The following USP14 variants were observed in gnomAD, a reference collection of about 807,000 sequenced individuals.
USP14 encodes the protein ubiquitin specific peptidase 14, also known as ubiquitin carboxyl-terminal hydrolase 14.
A neutral mutation model predicts 76.5 loss-of-function variants in USP14; 38 were observed. The observed-to-expected ratio is 0.50, with a 90% confidence interval of 0.38 to 0.65. The LOEUF is 0.65. Among genes scored for constraint, USP14 ranks in the 30% least tolerant of loss-of-function variants. The probability of loss-of-function intolerance (pLI) is 0.00; values close to 1 mark genes in which losing one functional copy is unlikely to be tolerated. For missense variants in USP14, 467 were observed against 586.5 expected, an observed-to-expected ratio of 0.80 and a Z score of 2.10; for synonymous variants, 192 against 191.7, an observed-to-expected ratio of 1.00 and a Z score of -0.01.
intron 3 of USP14, among the ~76,000 whole-genome samples, chr18:177,247 A>T (rs1002605890): frequency 6.6e-5 from 10 of 151,812 alleles, no homozygotes; most frequent in Non-Finnish European, 1.5e-4. Context: ...TTGGCTCTTG[A>T]GACAGTTGTC....
chr18:171,736 G>A (rs1267963398), intron 3 of USP14, among the ~76,000 whole-genome samples: 1 of 152,150 alleles, frequency 6.6e-6, no homozygotes, highest in African/African-American at 2.4e-5. Flanking sequence ...ATTTCTCCAT[G>A]AATCTGGGCA....
At chr18:180,181 AT>A in intron 4 of USP14, 54 bp from the exon 5 acceptor site, 2 of 1,005,518 alleles carry the variant, frequency 2.0e-6, no homozygotes, top group Non-Finnish European at 1.4e-6. Context: ...ATGCCATGTC[AT>A]TTTGTAAAAA....
Position 180,097 on chromosome 18 carries a change from T to C in USP14, c.301-139T>C, listed in dbSNP as rs555429489. 393 of 491,228 alleles carry C rather than the reference T, an allele frequency of 8.0e-4. 1 individual carries two copies. The highest frequency in any genetic ancestry group is 1.2e-3 in the Non-Finnish European group (334 of 284,464). The allele number at this position is 491,228 out of a possible 1,614,324, so 30.4% of individuals were successfully genotyped here. ...GGGAAATAAAACTGTTTCTTTAGCG[T>C]GAAGGCAGAATATAAATTGGTAGAA... is the stretch of plus-strand genomic sequence containing the variant. On this transcript the variant is annotated intron_variant, in intron 4 of 15. Coordinates refer to ENST00000261601, the MANE Select transcript of USP14 (RefSeq NM_005151.4).
intron 13 of USP14, among the ~76,000 whole-genome samples, chr18:207,328 A>G (rs1451511833): frequency 6.9e-6 from 1 of 144,702 alleles, no homozygotes; most frequent in Non-Finnish European, 1.6e-5. Context: ...ATATTTTAGG[A>G]TCAGCTTGTC....
chr18:196,494 A>G lies in USP14; in HGVS notation c.464-143A>G. The G allele has an allele frequency of 2.3e-6, 2 of 855,356 alleles. 1 individual carries two copies. Among genetic ancestry groups the G allele is most frequent in the South Asian group, 4.1e-5 (2 of 49,260 alleles). 53.0% of individuals were successfully genotyped at this position (855,356 alleles called of 1,614,324 possible). The stretch of plus-strand genomic sequence containing the variant: ...AGCCGAGATCGCGCCACTGCACTCC[A>G]GCCTGGGCAACGGACCAAGACTCCA... On this transcript the variant is annotated intron_variant, in intron 6 of 15. Transcript: ENST00000261601.
At chr18:162,893 GT>G (rs1336278677) in intron 1 of USP14, 1 of 153,212 alleles carries the variant, frequency 6.5e-6, no homozygotes, top group Non-Finnish European at 1.5e-5. Flanking sequence ...CGCCTCCCGG[GT>G]TCAAGCGATT....
At position 213,467 on chromosome 18, in the gene USP14, T is replaced by G. The variant is rs1374282591; in HGVS notation, c.*2183T>G. 2 of 152,512 alleles carry G rather than the reference T, an allele frequency of 1.3e-5. No homozygotes were observed. The highest frequency in any genetic ancestry group is 2.1e-4 in the South Asian group (1 of 4,824). The allele number at this position is 152,512 out of a possible 1,614,324, so 9.4% of individuals were successfully genotyped here. On this transcript the variant is annotated 3_prime_UTR_variant, in exon 16 of 16. Coordinates refer to ENST00000261601, the MANE Select transcript of USP14 (RefSeq NM_005151.4). ...TGTTGTTTTTAACTAATAAGGCTAT[T>G]TTAGAATTCAGCCTTGCCTGTAAGG...
chr18:206,047 G>GT (rs1598280094), intron 13 of USP14, among the ~76,000 whole-genome samples: 1 of 152,200 alleles, frequency 6.6e-6, no homozygotes, highest in African/African-American at 2.4e-5. Context: ...TAATGTAAAC[G>GT]TAAGTTCCAT....
Position 199,368 on chromosome 18 carries a change from G to T in USP14, c.876+52G>T, listed in dbSNP as rs1233498450. 3.9e-6 allele frequency: 5 copies of T among 1,285,726 alleles called. No individual in the cohort carries two copies. The African/African-American group carries it at 5.9e-5, about 15-fold the overall frequency. 79.6% of individuals were successfully genotyped at this position (1,285,726 alleles called of 1,614,324 possible). On this transcript the variant is annotated intron_variant, in intron 10 of 15. Transcript: ENST00000261601. Reference sequence around the variant, plus strand: ...TTGTTTGTGAATTCCATGTTTGCGAGTAAGCCAAAGTCATTATTCACTGGG... The same window carrying T: ...TTGTTTGTGAATTCCATGTTTGCGATTAAGCCAAAGTCATTATTCACTGGG...
At chr18:185,442 A>G (rs1358551354) in intron 5 of USP14, among the ~76,000 whole-genome samples, 1 of 152,162 alleles carries the variant, frequency 6.6e-6, no homozygotes, top group Non-Finnish European at 1.5e-5. Flanking sequence ...GGTGTGAGCC[A>G]CTGTGCCTGG....
At chr18:176,589 C>T (rs1909634143) in intron 3 of USP14, among the ~76,000 whole-genome samples, 1 of 151,812 alleles carries the variant, frequency 6.6e-6, no homozygotes. Flanking sequence ...TTTTTGAGTG[C>T]TTAGTATATA....
rs1004193405 is a variant in USP14 at position 199,313 on chromosome 18, A to G, written c.873A>G (p.Lys291=). 5.6e-6 allele frequency: 9 copies of G among 1,600,242 alleles called. No individual in the cohort carries two copies. Among genetic ancestry groups the G allele is most frequent in the Admixed American group, 3.3e-5 (2 of 59,920 alleles). The change falls in exon 10 of 16, where the codon AAA becomes AAG. Residue 291 remains lysine (K), a synonymous_variant. Coordinates refer to ENST00000261601, the MANE Select transcript of USP14 (RefSeq NM_005151.4). ...QEVKYLFTGL[K]LRLQEEITKQ... ...TCAAGTATCTTTTTACAGGACTTAA[A>G]TTGGTAAGGACAATCTCAGTCCATC...
chr18:204,748 C>T (rs2143090031), intron 13 of USP14, 56 bp downstream of exon 13: 1 of 1,574,380 alleles, frequency 6.4e-7, no homozygotes, highest in South Asian at 1.2e-5. Flanking sequence ...CATCAGTGCT[C>T]AGCAATTACT....
intron 13 of USP14, among the ~76,000 whole-genome samples, chr18:206,311 T>G (rs1910528307): frequency 6.6e-6 from 1 of 152,242 alleles, no homozygotes; most frequent in South Asian, 2.1e-4. Context: ...CTGATGAAGT[T>G]GAGCATGTCT....
At position 198,037 on chromosome 18, in the gene USP14, A is replaced by G; in HGVS notation, c.676-10A>G. ...ATATAAAGTTGGAATTTTTATTTTA[A>G]TTTTTGCAGACAGACTCCTCATCTG... is the stretch of plus-strand genomic sequence containing the variant. On this transcript the variant is annotated splice_polypyrimidine_tract_variant and intron_variant, in intron 8 of 15. Coordinates refer to ENST00000261601, the MANE Select transcript of USP14 (RefSeq NM_005151.4). 1 of 1,596,110 alleles carries G rather than the reference A, an allele frequency of 6.3e-7. No homozygotes were observed. Among genetic ancestry groups the G allele is most frequent in the Non-Finnish European group, 8.5e-7 (1 of 1,172,498 alleles).
chr18:165,607 T>C (rs1035997765), intron 2 of USP14, among the ~76,000 whole-genome samples: 3 of 152,198 alleles, frequency 2.0e-5, no homozygotes, highest in African/African-American at 7.2e-5. Flanking sequence ...ATGTTATCCA[T>C]ATCTTATATA....
chr18:185,684 T>A (rs1448503276), intron 5 of USP14, among the ~76,000 whole-genome samples: 2 of 152,018 alleles, frequency 1.3e-5, no homozygotes, highest in African/African-American at 4.8e-5. Flanking sequence ...CATTTAAAAT[T>A]TAAAAAAATT....
At chr18:196,381 G>A (rs1292457851) in intron 6 of USP14, among the ~76,000 whole-genome samples, 3 of 151,856 alleles carry the variant, frequency 2.0e-5, no homozygotes, top group Admixed American at 1.3e-4. Flanking sequence ...AAAATTAGCC[G>A]GGAATGGTGG....
In USP14 at chr18:202,880, C is replaced by T; in HGVS notation, c.877C>T (p.Arg293Ter). ...VKYLFTGLKL[R>*]LQEEITKQSP... ...GGTCTTCTGTTATGTTCTTTCTTAG[C>T]GACTTCAGGAAGAAATCACCAAACA... Residue 293 changes from arginine to a stop codon, truncating the protein, a stop_gained and splice_region_variant, in exon 11 of 16, where the codon CGA (arginine) becomes TGA (stop). Coordinates refer to ENST00000261601, the MANE Select transcript of USP14 (RefSeq NM_005151.4). LOFTEE classifies it high-confidence loss of function. 6.2e-7 allele frequency: 1 copy of T among 1,613,878 alleles called. No individual in the cohort carries two copies. Among genetic ancestry groups the T allele is most frequent in the Non-Finnish European group, 8.5e-7 (1 of 1,179,916 alleles).
Sources: allele counts gnomAD v4.1 joint callset (sites outside exome capture counted in the v4.1 genomes callset), GRCh38; gene constraint gnomAD v4.1.1; transcripts MANE v1.5; gene names NCBI Gene and HGNC (gene_info 2026-07-23, HGNC 2026-07-21).